POLR1A: variants seen among roughly 807,000 people sequenced by gnomAD.
POLR1A encodes the protein RNA polymerase I subunit A.
In POLR1A, 84 loss-of-function variants were observed where a neutral mutation model predicts 205.3. The observed-to-expected ratio is 0.41, with a 90% CI of 0.34 to 0.49. The LOEUF (loss-of-function observed/expected upper bound fraction) is 0.49. Among genes scored for constraint, POLR1A ranks in the 20% least tolerant of loss-of-function variants. The pLI is 0.22. For missense variants in POLR1A, 1,645 were observed against 2,204.5 expected, an observed-to-expected ratio of 0.75 and a Z score of 5.08; for synonymous variants, 799 against 863.7, an observed-to-expected ratio of 0.93 and a Z score of 1.31.
At chr2:86,065,186 C>G in intron 14 of POLR1A, 88 bp downstream of exon 14, 1 of 1,171,070 alleles carries the variant, frequency 8.5e-7, no homozygotes, top group Non-Finnish European at 1.2e-6. Flanking sequence ...TTCTCTGTCT[C>G]TGGTCTGGAC....
chr2:86,053,667 G>A (rs1017514905), intron 15 of POLR1A, among the ~76,000 whole-genome samples: 1 of 152,164 alleles, frequency 6.6e-6, no homozygotes, highest in Non-Finnish European at 1.5e-5. Context: ...CTGTGATAAC[G>A]CGTTGTGCAC....
At chr2:86,035,054 A>G (rs1011411040) in intron 27 of POLR1A, among the ~76,000 whole-genome samples, 2 of 152,226 alleles carry the variant, frequency 1.3e-5, no homozygotes, top group Non-Finnish European at 2.9e-5. Flanking sequence ...TATTTTTAGT[A>G]GAAACGGGGT....
At chr2:86,089,355 A>C (rs1472804715) in intron 4 of POLR1A, among the ~76,000 whole-genome samples, 2 of 152,196 alleles carry the variant, frequency 1.3e-5, no homozygotes, top group South Asian at 2.1e-4. Context: ...CCTACCCCAG[A>C]CCAATTAAAT....
intron 21 of POLR1A, among the ~76,000 whole-genome samples, chr2:86,044,570 G>A (rs1159885615): frequency 6.6e-6 from 1 of 152,138 alleles, no homozygotes; most frequent in Non-Finnish European, 1.5e-5. Flanking sequence ...CCCTAGACCT[G>A]GGCTCCCATC....
At chr2:86,050,936 A>G (rs1388841779) in intron 16 of POLR1A, among the ~76,000 whole-genome samples, 1 of 152,222 alleles carries the variant, frequency 6.6e-6, no homozygotes, top group African/African-American at 2.4e-5. Flanking sequence ...AGATGGGGGA[A>G]GGTGAGTTTC....
chr2:86,031,910 C>G (rs1251288625), intron 29 of POLR1A, among the ~76,000 whole-genome samples: 1 of 152,180 alleles, frequency 6.6e-6, no homozygotes, highest in African/African-American at 2.4e-5. Flanking sequence ...GGTAAGTTCC[C>G]TCGGCCATTA....
intron 1 of POLR1A, among the ~76,000 whole-genome samples, chr2:86,100,529 T>C (rs149511857): frequency 6.6e-6 from 1 of 150,820 alleles, no homozygotes; most frequent in African/African-American, 2.5e-5. Flanking sequence ...GGCAGCATTA[T>C]TCTGTCTTTT....
chr2:86,031,180 G>A, intron 30 of POLR1A, 150 bp downstream of exon 30: 1 of 1,187,508 alleles, frequency 8.4e-7, no homozygotes, highest in Admixed American at 3.2e-5. Context: ...CCCCAAACAG[G>A]AGGCCTGGCT....
At position 86,045,348 on chromosome 2, in the gene POLR1A, GGAA is replaced by G. The variant is rs751070557; in HGVS notation, c.2896_2898del (p.Phe966del). 2 of 1,613,070 alleles carry G rather than the reference GGAA, an allele frequency of 1.2e-6. No individual in the cohort carries two copies. Among genetic ancestry groups the G allele is most frequent in the Non-Finnish European group, 8.5e-7 (1 of 1,179,022 alleles). The stretch of plus-strand genomic sequence containing the variant: ...AGGCCCTCTCGTCCTGCCATGCAGT[GGAA>G]GAAGAACTCCTGCAGAGAATGGGAC... On this transcript the variant is annotated inframe_deletion, in exon 21 of 34. Coordinates refer to ENST00000263857, the MANE Select transcript of POLR1A (RefSeq NM_015425.6).
rs778395761 is a variant in POLR1A, at chr2:86,030,219, G to A, written c.4756C>T (p.Pro1586Ser). 6.2e-6 allele frequency: 10 copies of A among 1,614,114 alleles called. No individual in the cohort carries two copies. Among genetic ancestry groups the A allele is most frequent in the Middle Eastern group, 1.6e-4 (1 of 6,062 alleles). ...LVLNTEGINL[P>S]ELFKYAEVLD... is the part of the protein sequence containing the mutation. ...ACCTCTGCATACTTGAATAGCTCTGGGAGGTTGATTCCTTCTGTGTTTAGC... is the reference window on the plus strand; with the variant it reads ...ACCTCTGCATACTTGAATAGCTCTGAGAGGTTGATTCCTTCTGTGTTTAGC... Residue 1586 changes from proline (P) to serine (S), a missense_variant, in exon 31 of 34, where the codon CCA becomes TCA. Physicochemically the swap from Pro to Ser is moderately conservative, Grantham distance 74. This residue lies in a region of POLR1A where 394 missense variants were observed against 468.5 expected (regional missense o/e 0.84). Transcript: ENST00000263857.
chr2:86,033,500 T>C (rs1404186823), intron 28 of POLR1A, among the ~76,000 whole-genome samples, 161 bp downstream of exon 28: 2 of 152,242 alleles, frequency 1.3e-5, no homozygotes, highest in African/African-American at 4.8e-5. Context: ...AAGAAGTGAA[T>C]GCTGCTTCTG....
At chr2:86,090,891 G>C (rs144686246) in intron 3 of POLR1A, among the ~76,000 whole-genome samples, 1 of 152,184 alleles carries the variant, frequency 6.6e-6, no homozygotes, top group Non-Finnish European at 1.5e-5. Flanking sequence ...GCTGCAGTGC[G>C]CTATGATCGT....
chr2:86,103,117 C>T (rs1673852644), intron 1 of POLR1A, among the ~76,000 whole-genome samples: 1 of 152,158 alleles, frequency 6.6e-6, no homozygotes, highest in African/African-American at 2.4e-5. Flanking sequence ...AATGTATAGT[C>T]TGTTAGACGG....
At chr2:86,057,749 C>A (rs1343913660) in intron 14 of POLR1A, among the ~76,000 whole-genome samples, 1 of 152,118 alleles carries the variant, frequency 6.6e-6, no homozygotes, top group Admixed American at 6.5e-5. Flanking sequence ...CCAAAACAGG[C>A]TAATTCATAC....
In POLR1A at chr2:86,053,757, G is replaced by C. The variant is rs115766328; in HGVS notation, c.2208+383C>G. ...CAGTGTGGACAGCTCTCTCTGCCCT[G>C]GGCCTGTCCTTTTGTGGCCTGGTTC... On this transcript the variant is annotated intron_variant, in intron 15 of 33. Coordinates refer to ENST00000263857, the MANE Select transcript of POLR1A (RefSeq NM_015425.6). 8.0e-3 allele frequency among the ~76,000 whole-genome samples: 1,219 copies of C among 152,260 alleles called. 16 individuals carry two copies. Among genetic ancestry groups the C allele is most frequent in the African/African-American group, 0.028 (1,151 of 41,542 alleles).
intron 26 of POLR1A, 55 bp downstream of exon 26, chr2:86,039,272 A>T: frequency 6.3e-7 from 1 of 1,585,766 alleles, no homozygotes; most frequent in South Asian, 1.1e-5. Flanking sequence ...ACACATGGGG[A>T]GGATATAGGA....
rs759094989 is a variant in POLR1A at position 86,028,095 on chromosome 2, G to A, written c.4898-46C>T. ...TTAGGAGGGATTAAGCAGTGACCACGGGAGCAGTCAGCAGACACAAGCCAA... is the reference window on the plus strand; with the variant it reads ...TTAGGAGGGATTAAGCAGTGACCACAGGAGCAGTCAGCAGACACAAGCCAA... On this transcript the variant is annotated intron_variant, in intron 32 of 33. Transcript: ENST00000263857. This position sits in a 1 kb window ranked among gnomAD's most constrained non-coding sequence, Gnocchi z 4.5. The A allele has an allele frequency of 8.8e-6, 14 of 1,595,710 alleles. No individual in the cohort carries two copies. Among genetic ancestry groups the A allele is most frequent in the African/African-American group, 6.7e-5 (5 of 74,534 alleles).
chr2:86,060,744 A>G (rs1672978264), intron 14 of POLR1A, among the ~76,000 whole-genome samples: 1 of 152,210 alleles, frequency 6.6e-6, no homozygotes, highest in Non-Finnish European at 1.5e-5. Flanking sequence ...CTACTAGACG[A>G]TAACAGAGGG....
At chr2:86,090,386 C>CAAAAAAAAAAAAAAAAAAAAAAACAAAAA (rs56810530) in intron 3 of POLR1A, among the ~76,000 whole-genome samples, 1 of 94,632 alleles carries the variant, frequency 1.1e-5, no homozygotes, top group East Asian at 2.9e-4. Flanking sequence ...GACACCATCT[C>CAAAAAAAAAAAAAAAAAAAAAAACAAAAA]AAAAAAAAAA....
Sources: allele counts gnomAD v4.1 joint callset (sites outside exome capture counted in the v4.1 genomes callset), GRCh38; gene constraint gnomAD v4.1.1; regional missense constraint gnomAD v4.1.1; non-coding constraint Gnocchi (gnomAD v3.1); transcripts MANE v1.5; gene names NCBI Gene and HGNC (gene_info 2026-07-23, HGNC 2026-07-21).